The following ZC3H11A variants were observed in gnomAD, a reference collection of about 807,000 sequenced individuals.
ZC3H11A encodes zinc finger CCCH-type containing 11A.
In ZC3H11A, 22 loss-of-function variants were observed where a neutral mutation model predicts 90.8. The ratio of observed to expected loss-of-function variants is 0.24; its 90% CI spans 0.17 to 0.35. The LOEUF (loss-of-function observed/expected upper bound fraction) is 0.35. Ranked by LOEUF, ZC3H11A falls within the 10% of genes least tolerant of loss-of-function variation. The pLI is 1.00. For missense variants in ZC3H11A, 701 were observed against 964.9 expected (o/e 0.73, Z 3.62); for synonymous variants, 294 against 339.8 (o/e 0.87, Z 1.48).
chr1:203,847,446 G>C lies in ZC3H11A; in HGVS notation c.1305G>C (p.Lys435Asn), dbSNP rs778481477. The C allele has an allele frequency of 2.5e-6, 4 of 1,613,826 alleles. No homozygotes were observed. The highest frequency in any genetic ancestry group is 3.4e-6 in the Non-Finnish European group (4 of 1,179,878). ...AGGATACAACTTGCATCAAGCTAAAGATTGATAGTGAAATTAAAAAAACAG... is the reference window on the plus strand; with the variant it reads ...AGGATACAACTTGCATCAAGCTAAACATTGATAGTGAAATTAAAAAAACAG... The part of the protein sequence containing the change: ...SKKDTTCIKL[K>N]IDSEIKKTVV... Residue 435 changes from lysine to asparagine, a missense_variant, in exon 13 of 18, where the codon AAG becomes AAC. Around this residue, in one of 4 missense-constraint regions of ZC3H11A, gnomAD observed 530 missense variants for 696.2 expected, o/e 0.76. Coordinates refer to ENST00000367210, the MANE Select transcript of ZC3H11A (RefSeq NM_001376342.1).
chr1:203,824,788 T>C (rs1679941052), intron 4 of ZC3H11A, among the ~76,000 whole-genome samples: 1 of 151,938 alleles, frequency 6.6e-6, no homozygotes, highest in Non-Finnish European at 1.5e-5. Context: ...ATAGAGAAAA[T>C]AGATTGTTAG....
At chr1:203,830,925 ATTTTTTTTTTTTTTTTT>A (rs774771270) in intron 8 of ZC3H11A, among the ~76,000 whole-genome samples, 1,070 of 51,440 alleles carry the variant, frequency 0.021, 21 homozygotes, top group Middle Eastern at 0.083. Context: ...CCAACCCCCA[ATTTTTTTTTTTTTTTTT>A]TTTTTTTTTT....
At chr1:203,796,834 A>G (rs892898491) in intron 1 of ZC3H11A, 2 of 169,460 alleles carry the variant, frequency 1.2e-5, no homozygotes, top group African/African-American at 4.7e-5. Context: ...TTTTTTTCTC[A>G]AAGCATTTTT....
At chr1:203,840,274 CTT>C in intron 11 of ZC3H11A, 30 bp from the exon 12 acceptor site, 2 of 1,607,348 alleles carry the variant, frequency 1.2e-6, no homozygotes, top group Non-Finnish European at 1.7e-6. Context: ...TTCTGTTCAA[CTT>C]TTGATTTTTG....
At chr1:203,823,708 C>G (rs1679532232) in intron 4 of ZC3H11A, among the ~76,000 whole-genome samples, 1 of 152,172 alleles carries the variant, frequency 6.6e-6, no homozygotes, top group Non-Finnish European at 1.5e-5. Flanking sequence ...CTTGAAAGAA[C>G]TAAATACTTA....
intron 1 of ZC3H11A, chr1:203,797,549 A>C: frequency 1.3e-6 from 2 of 1,525,920 alleles, no homozygotes; most frequent in South Asian, 2.4e-5. Flanking sequence ...TAAGTGTACC[A>C]GTTTCTTCAC....
At chr1:203,822,815 C>G (rs1679223434) in intron 4 of ZC3H11A, among the ~76,000 whole-genome samples, 1 of 152,150 alleles carries the variant, frequency 6.6e-6, no homozygotes, top group African/African-American at 2.4e-5. Flanking sequence ...CAGTCAGACT[C>G]CAATACCCTG....
intron 4 of ZC3H11A, among the ~76,000 whole-genome samples, chr1:203,824,779 T>C (rs140854848): frequency 3.5e-3 from 533 of 152,162 alleles, no homozygotes; most frequent in Non-Finnish European, 6.3e-3. Flanking sequence ...ATGTGTCTTA[T>C]AGAGAAAATA....
rs1680628708 is a variant in ZC3H11A, at chr1:203,826,674, A to G, written c.175-1625A>G. ...TATTGTTTCTCTGTCTCTCTTCTCC[A>G]TATTCTTAAATTTCAATGCTGGTGT... On this transcript the variant is annotated intron_variant, in intron 4 of 17. Coordinates refer to ENST00000367210, the MANE Select transcript of ZC3H11A (RefSeq NM_001376342.1). Among the ~76,000 whole-genome samples, 7 of 152,062 alleles carry G rather than the reference A, an allele frequency of 4.6e-5. No homozygotes were observed. The South Asian group carries it at 1.4e-3, about 31-fold the overall frequency.
At chr1:203,833,210 A>G (rs753129231) in intron 9 of ZC3H11A, among the ~76,000 whole-genome samples, 2 of 152,100 alleles carry the variant, frequency 1.3e-5, no homozygotes, top group Non-Finnish European at 2.9e-5. Flanking sequence ...TCTACTAAAA[A>G]TACAAAATTT....
intron 2 of ZC3H11A, among the ~76,000 whole-genome samples, chr1:203,808,794 ATCT>A (rs1319017707): frequency 5.3e-5 from 8 of 152,070 alleles, no homozygotes; most frequent in South Asian, 2.1e-4. Flanking sequence ...CGTCATCGCC[ATCT>A]TCTTCTTTTT....
At chr1:203,828,481 A>T (rs1282523675) in intron 5 of ZC3H11A, 59 bp downstream of exon 5, 1 of 1,541,814 alleles carries the variant, frequency 6.5e-7, no homozygotes, top group East Asian at 2.4e-5. Flanking sequence ...TGCACACTGT[A>T]CAACAGTACT....
chr1:203,838,251 A>C (rs1487099451), intron 11 of ZC3H11A, among the ~76,000 whole-genome samples, 187 bp downstream of exon 11: 1 of 152,242 alleles, frequency 6.6e-6, no homozygotes, highest in Non-Finnish European at 1.5e-5. Flanking sequence ...ATTGAAAAAA[A>C]CACCGTCACA....
At chr1:203,836,596 A>G (rs1684417249) in intron 10 of ZC3H11A, among the ~76,000 whole-genome samples, 1 of 152,066 alleles carries the variant, frequency 6.6e-6, no homozygotes, top group Admixed American at 6.6e-5. Context: ...AAACATCTCT[A>G]CTACAAAAAA....
chr1:203,802,686 A>G lies in ZC3H11A; in HGVS notation c.-476A>G, dbSNP rs1197172298. On this transcript the variant is annotated 5_prime_UTR_variant, in exon 2 of 18. The change abolishes the stop of an existing upstream ORF in the 5' untranslated region. Transcript: ENST00000367210. ...ATGGAGTTTTTTTTCATGATCCTTT[A>G]ACTCTCAAGTTCATCTTTAAATGAA... 1.3e-5 allele frequency: 2 copies of G among 149,500 alleles called. No individual in the cohort carries two copies. Among genetic ancestry groups the G allele is most frequent in the East Asian group, 3.9e-4 (2 of 5,122 alleles). 9.3% of individuals were successfully genotyped at this position (149,500 alleles called of 1,614,324 possible). A position where few individuals can be genotyped will look rare whatever the true frequency, so the allele number is the denominator to read the frequency against.
In ZC3H11A at chr1:203,840,451, T is replaced by C. The variant is rs919033536; in HGVS notation, c.1042+77T>C. 4.9e-6 allele frequency: 7 copies of C among 1,421,494 alleles called. No homozygotes were observed. In the Admixed American group the frequency reaches 1.5e-4, roughly 30 times the overall value. 88.1% of individuals were successfully genotyped at this position (1,421,494 alleles called of 1,614,324 possible). A position where few individuals can be genotyped will look rare whatever the true frequency, so the allele number is the denominator to read the frequency against. On this transcript the variant is annotated intron_variant, in intron 12 of 17. Coordinates refer to ENST00000367210, the MANE Select transcript of ZC3H11A (RefSeq NM_001376342.1). ...GCCTTTGCTTTTTCTCAGATTTACC[T>C]GTTGCTTGCTAGGGCTTTTGATTTT...
In ZC3H11A at chr1:203,799,322, A is replaced by G. The variant is rs941263530; in HGVS notation, c.-1587-2253A>G. ...TTCAGGACTTTTTCTGCGAGCACAA[A>G]AGCATTGAGAATATGTTAGTGGCTG... is the stretch of plus-strand genomic sequence containing the variant. On this transcript the variant is annotated intron_variant, in intron 1 of 17. Coordinates refer to ENST00000367210, the MANE Select transcript of ZC3H11A (RefSeq NM_001376342.1). The G allele has an allele frequency of 9.9e-6, 7 of 708,594 alleles. No individual in the cohort carries two copies. In the African/African-American group the frequency reaches 1.2e-4, roughly 12 times the overall value. The allele number at this position is 708,594 out of a possible 1,614,324, so 43.9% of individuals were successfully genotyped here.
In ZC3H11A at chr1:203,795,665, T is replaced by G. The variant is rs1051386350; in HGVS notation, c.-1717T>G. ...CAGGCGCCATCTTTGACGCTGGCAGTCTTGGTTTTCTGCTAGTGCTGCTGC... is the reference window on the plus strand; with the variant it reads ...CAGGCGCCATCTTTGACGCTGGCAGGCTTGGTTTTCTGCTAGTGCTGCTGC... On this transcript the variant is annotated 5_prime_UTR_variant, in exon 1 of 18. Transcript: ENST00000367210. The G allele has an allele frequency of 1.3e-5, 2 of 152,192 alleles. No individual in the cohort carries two copies. Among genetic ancestry groups the G allele is most frequent in the African/African-American group, 4.8e-5 (2 of 41,456 alleles). 9.4% of individuals were successfully genotyped at this position (152,192 alleles called of 1,614,324 possible).
At chr1:203,819,076 A>T (rs1421910762) in intron 4 of ZC3H11A, among the ~76,000 whole-genome samples, 3 of 34,180 alleles carry the variant, frequency 8.8e-5, no homozygotes, top group African/African-American at 1.1e-4. Context: ...TCAAAAAAAA[A>T]AATATATATA....
Sources: gnomAD v4.1 joint callset for allele counts (sites outside exome capture counted in the v4.1 genomes callset) on GRCh38, gnomAD v4.1.1 for gene constraint, gnomAD v4.1.1 regional missense constraint, MANE v1.5 for transcripts, NCBI Gene and HGNC (gene_info 2026-07-23, HGNC 2026-07-21) for gene names.